Variants in MTHFD1L observed in about 807,000 individuals in gnomAD.
The protein encoded by MTHFD1L is monofunctional C1-tetrahydrofolate synthase, mitochondrial.
Under a neutral mutation model 119.5 loss-of-function variants are expected in MTHFD1L, and 81 were observed. That is an observed-to-expected ratio of 0.68 (90% CI 0.57 to 0.82). The LOEUF (loss-of-function observed/expected upper bound fraction) is 0.82. MTHFD1L is among the 40% of genes least tolerant of loss of function. The probability of loss-of-function intolerance (pLI) is 0.00; values close to 1 mark genes in which losing one functional copy is unlikely to be tolerated. For synonymous variants in MTHFD1L, 430 were observed against 475.2 expected, an observed-to-expected ratio of 0.90 and a Z score of 1.24; for missense variants, 1,125 against 1,253.4, an observed-to-expected ratio of 0.90 and a Z score of 1.55.
chr6:150,890,522 G>C (rs1186769422), intron 7 of MTHFD1L, among the ~76,000 whole-genome samples: 1 of 152,152 alleles, frequency 6.6e-6, no homozygotes, highest in East Asian at 1.9e-4. Flanking sequence ...TCTGGAGCTT[G>C]ATGACCACTA....
At chr6:150,990,464 C>A (rs1778909617) in intron 20 of MTHFD1L, among the ~76,000 whole-genome samples, 2 of 151,430 alleles carry the variant, frequency 1.3e-5, no homozygotes, top group African/African-American at 2.4e-5. Flanking sequence ...TTTTTCTTTT[C>A]TTTTATTTTT....
intron 7 of MTHFD1L, among the ~76,000 whole-genome samples, chr6:150,888,861 A>G (rs4869953): frequency 0.56 from 84,910 of 152,074 alleles, 23,954 homozygotes; most frequent in African/African-American, 0.63. Flanking sequence ...AGCAGGTACC[A>G]CAGATCAGTG....
chr6:150,990,178 C>A (rs1024167603), intron 20 of MTHFD1L, among the ~76,000 whole-genome samples: 3 of 151,762 alleles, frequency 2.0e-5, no homozygotes, highest in Non-Finnish European at 2.9e-5. Context: ...ACTTGGGAGG[C>A]TGAGGCAGGA....
At chr6:150,920,663 A>T (rs760081948) in intron 9 of MTHFD1L, among the ~76,000 whole-genome samples, 1 of 152,200 alleles carries the variant, frequency 6.6e-6, no homozygotes, top group Non-Finnish European at 1.5e-5. Context: ...CTGATCATTC[A>T]CGCAGTCCTA....
intron 16 of MTHFD1L, among the ~76,000 whole-genome samples, chr6:150,949,361 T>A (rs1284148533): frequency 6.6e-6 from 1 of 152,030 alleles, no homozygotes; most frequent in African/African-American, 2.4e-5. Context: ...TCTACTCCTG[T>A]GTCTTCTAAA....
chr6:151,078,076 C>T (rs1049116824), intron 26 of MTHFD1L, among the ~76,000 whole-genome samples: 1 of 81,538 alleles, frequency 1.2e-5, no homozygotes, highest in Non-Finnish European at 2.9e-5. Context: ...AAAAAAAAAT[C>T]AAGGAAAATA....
rs1792558022 is a variant in MTHFD1L at position 150,938,725 on chromosome 6, C to G, written c.1420C>G (p.Gln474Glu). Residue 474 changes from glutamine to glutamate, a missense_variant, in exon 13 of 28, where the codon CAG (glutamine) becomes GAG (glutamate). Around this residue, in one of 3 missense-constraint regions of MTHFD1L, gnomAD observed 1,058 missense variants for 1,151.2 expected, o/e 0.92. Transcript: ENST00000367321. ...AGGAGCCGCGGGTGGTGGATATGCC[C>G]AGGTCATCCCCATGGAGGAGGTAAG... ...KGGAAGGGYA[Q>E]VIPMEEFNLH... 1 of 1,610,462 alleles carries G rather than the reference C, an allele frequency of 6.2e-7. No homozygotes were observed.
intron 26 of MTHFD1L, among the ~76,000 whole-genome samples, chr6:151,066,297 C>T (rs546995954): frequency 1.6e-4 from 24 of 151,626 alleles, no homozygotes; most frequent in South Asian, 6.3e-4. Context: ...ATCAGCCTGG[C>T]GTGGTGGCAG....
intron 18 of MTHFD1L, among the ~76,000 whole-genome samples, chr6:150,962,470 G>A (rs1318831506): frequency 6.6e-6 from 1 of 152,196 alleles, no homozygotes; most frequent in Non-Finnish European, 1.5e-5. Flanking sequence ...GCTTCATCCA[G>A]TGGGAGCTAT....
In MTHFD1L at chr6:151,004,012, A is replaced by T. The variant is rs1167782545; in HGVS notation, c.2126-5807A>T. On this transcript the variant is annotated intron_variant, in intron 20 of 27. Transcript: ENST00000367321. The stretch of plus-strand genomic sequence containing the variant: ...GAGGATGTTAATGCTTTTTTTTAAA[A>T]AAAAAAAAAAAAAAAGAGAGAGAGA... Among the ~76,000 whole-genome samples, 403 of 139,668 alleles carry T rather than the reference A, an allele frequency of 2.9e-3. 3 individuals are homozygous for T. The highest frequency in any genetic ancestry group is 0.01 in the African/African-American group (386 of 37,620). 91.6% of individuals were successfully genotyped at this position (139,668 alleles called of 152,430 possible). A position where few individuals can be genotyped will look rare whatever the true frequency, so the allele number is the denominator to read the frequency against.
At chr6:150,871,923 G>GC (rs1289585195) in intron 1 of MTHFD1L, among the ~76,000 whole-genome samples, 17 of 150,758 alleles carry the variant, frequency 1.1e-4, no homozygotes, top group Non-Finnish European at 2.4e-4. Context: ...TTTCACCCAG[G>GC]CTGGAGTGCA....
intron 24 of MTHFD1L, among the ~76,000 whole-genome samples, chr6:151,030,841 A>C (rs1342416239): frequency 6.6e-6 from 1 of 152,168 alleles, no homozygotes; most frequent in Non-Finnish European, 1.5e-5. Flanking sequence ...AGGCTCAAAG[A>C]GTTTATCAAC....
Position 151,084,313 on chromosome 6 carries a change from G to A in MTHFD1L, c.2848-8154G>A, listed in dbSNP as rs751530512. ...TGGGTCAGCAAGCCTGAGAATGACCGTGGAGAGAAATGGCTGGGGCTGCAG... is the reference window on the plus strand; with the variant it reads ...TGGGTCAGCAAGCCTGAGAATGACCATGGAGAGAAATGGCTGGGGCTGCAG... On this transcript the variant is annotated intron_variant, in intron 26 of 27. Transcript: ENST00000367321. Among the ~76,000 whole-genome samples, 79 of 152,346 alleles carry A rather than the reference G, an allele frequency of 5.2e-4. 1 individual carries two copies. The highest frequency in any genetic ancestry group is 7.5e-4 in the Non-Finnish European group (51 of 68,034).
At chr6:150,883,441 A>G (rs980517706) in intron 5 of MTHFD1L, among the ~76,000 whole-genome samples, 7 of 152,216 alleles carry the variant, frequency 4.6e-5, no homozygotes, top group African/African-American at 1.7e-4. Flanking sequence ...GATTCATTTA[A>G]TAAATTCCGG....
At chr6:151,072,078 C>G (rs1289355373) in intron 26 of MTHFD1L, among the ~76,000 whole-genome samples, 1 of 151,990 alleles carries the variant, frequency 6.6e-6, no homozygotes, top group Non-Finnish European at 1.5e-5. Context: ...CCTGACTCAC[C>G]TCAGCCTCCC....
At chr6:150,979,280 T>C (rs1378206969) in intron 20 of MTHFD1L, among the ~76,000 whole-genome samples, 5 of 152,148 alleles carry the variant, frequency 3.3e-5, no homozygotes, top group Non-Finnish European at 7.4e-5. Flanking sequence ...CTACAGCAGA[T>C]GGTCACAGTT....
intron 26 of MTHFD1L, among the ~76,000 whole-genome samples, chr6:151,057,703 A>G (rs1790146874): frequency 1.3e-5 from 2 of 152,198 alleles, no homozygotes. Context: ...ATATACGATA[A>G]GATAGTATTT....
At chr6:150,899,439 A>C (rs1784770115) in intron 7 of MTHFD1L, among the ~76,000 whole-genome samples, 1 of 152,246 alleles carries the variant, frequency 6.6e-6, no homozygotes, top group South Asian at 2.1e-4. Flanking sequence ...GAAGTGGGTA[A>C]AATACCTTTT....
intron 1 of MTHFD1L, among the ~76,000 whole-genome samples, chr6:150,874,837 A>G (rs13220134): frequency 6.6e-6 from 1 of 151,018 alleles, no homozygotes; most frequent in Non-Finnish European, 1.5e-5. Context: ...ATCTCGGCTC[A>G]CTGCAACCTC....
Sources: gnomAD v4.1 joint callset for allele counts (sites outside exome capture counted in the v4.1 genomes callset) on GRCh38, gnomAD v4.1.1 for gene constraint, gnomAD v4.1.1 regional missense constraint, MANE v1.5 for transcripts, NCBI Gene and HGNC (gene_info 2026-07-23, HGNC 2026-07-21) for gene names.